The following TK1 variants were observed in gnomAD, a reference collection of about 807,000 sequenced individuals.
TK1 encodes thymidine kinase 1, also known as thymidine kinase, cytosolic.
A neutral mutation model predicts 22.4 loss-of-function variants in TK1; 13 were observed. The observed-to-expected ratio is 0.58, with a 90% CI of 0.38 to 0.92. The LOEUF (loss-of-function observed/expected upper bound fraction) is 0.92, where lower values mean the gene tolerates loss of function less well. TK1 is among the 40% of genes least tolerant of loss of function. The pLI is 0.00. For missense variants in TK1, 251 were observed against 315.7 expected (o/e 0.80, Z 1.55); for synonymous variants, 134 against 125.4 (o/e 1.07, Z -0.46).
intron 4 of TK1, among the ~76,000 whole-genome samples, chr17:78,177,870 G>C (rs1238294199): frequency 6.7e-6 from 1 of 149,252 alleles, no homozygotes; most frequent in Admixed American, 6.7e-5. Flanking sequence ...CACTGCGCCT[G>C]GCTTTGTCTA....
At chr17:78,184,715 G>A (rs903934222) in intron 3 of TK1, among the ~76,000 whole-genome samples, 1 of 152,064 alleles carries the variant, frequency 6.6e-6, no homozygotes, top group African/African-American at 2.4e-5. Flanking sequence ...CTTGCATGGG[G>A]GCCGTCCTCT....
In TK1 at chr17:78,186,786, C is replaced by G; in HGVS notation, c.98+1G>C. ...CCACCCCAGCCCCGCGAAGCCATTA[C>G]CTTTTTCCTGAGAACATCGGCCCGA... On this transcript the variant is annotated splice_donor_variant, in intron 2 of 6. Coordinates refer to ENST00000301634, the MANE Select transcript of TK1 (RefSeq NM_003258.5). LOFTEE classifies it high-confidence loss of function. 1 of 1,586,396 alleles carries G rather than the reference C, an allele frequency of 6.3e-7. No homozygotes were observed. The highest frequency in any genetic ancestry group is 8.6e-7 in the Non-Finnish European group (1 of 1,166,758).
chr17:78,174,699 C>T lies in TK1; in HGVS notation c.*60G>A. 1 of 1,502,736 alleles carries T rather than the reference C, an allele frequency of 6.7e-7. No homozygotes were observed. The highest frequency in any genetic ancestry group is 1.3e-5 in the South Asian group (1 of 75,960). 93.1% of individuals were successfully genotyped at this position (1,502,736 alleles called of 1,614,324 possible). A position where few individuals can be genotyped will look rare whatever the true frequency, so the allele number is the denominator to read the frequency against. Reference sequence around the variant, plus strand: ...CCTCCTGGAGTGGCTGGGCAGCATGCAGGGCAGCGTCCAGTAGGCGGCAGT... The same window carrying T: ...CCTCCTGGAGTGGCTGGGCAGCATGTAGGGCAGCGTCCAGTAGGCGGCAGT... On this transcript the variant is annotated 3_prime_UTR_variant, in exon 7 of 7. Coordinates refer to ENST00000301634, the MANE Select transcript of TK1 (RefSeq NM_003258.5).
At chr17:78,175,464 T>C in intron 5 of TK1, 65 bp downstream of exon 5, 1 of 1,490,424 alleles carries the variant, frequency 6.7e-7, no homozygotes, top group East Asian at 2.3e-5. Context: ...CTGGTGTCTC[T>C]GTGCCCATCC....
chr17:78,176,472 C>CT (rs1488928175), intron 4 of TK1, among the ~76,000 whole-genome samples: 3 of 152,104 alleles, frequency 2.0e-5, no homozygotes, highest in Non-Finnish European at 4.4e-5. Flanking sequence ...GACGTGAGGG[C>CT]TTAGCAAGGT....
intron 4 of TK1, among the ~76,000 whole-genome samples, chr17:78,180,293 CG>C (rs2075729635): frequency 6.6e-6 from 1 of 152,220 alleles, no homozygotes; most frequent in South Asian, 2.1e-4. Flanking sequence ...CCCCATCAAC[CG>C]GCCTGGAACC....
At position 78,182,460 on chromosome 17, in the gene TK1, A is replaced by C. The variant is rs150722679; in HGVS notation, c.303+129T>G. 338 of 625,332 alleles carry C rather than the reference A, an allele frequency of 5.4e-4. 2 individuals carry two copies. The African/African-American group carries it at 5.5e-3, about 10-fold the overall frequency. The allele number at this position is 625,332 out of a possible 1,614,324, so 38.7% of individuals were successfully genotyped here. On this transcript the variant is annotated intron_variant, in intron 4 of 6. Coordinates refer to ENST00000301634, the MANE Select transcript of TK1 (RefSeq NM_003258.5). ...GAAAGGGGCCTTCAGAGGGTATTCC[A>C]ACACTAGTTGTAGCTATTTAACCTT... is the stretch of plus-strand genomic sequence containing the variant.
intron 4 of TK1, among the ~76,000 whole-genome samples, chr17:78,180,399 A>G (rs1186357994): frequency 1.3e-5 from 2 of 152,246 alleles, no homozygotes; most frequent in African/African-American, 4.8e-5. Flanking sequence ...AGTACCTAAG[A>G]GGTCAAGTCT....
chr17:78,183,765 C>T (rs1056143304), intron 3 of TK1: 1 of 152,238 alleles, frequency 6.6e-6, no homozygotes, highest in Non-Finnish European at 1.5e-5. Context: ...TTGCTATAAT[C>T]CTACTTCGAG....
intron 4 of TK1, among the ~76,000 whole-genome samples, chr17:78,177,676 C>T (rs1449277227): frequency 6.6e-6 from 1 of 151,640 alleles, no homozygotes; most frequent in Non-Finnish European, 1.5e-5. Context: ...TGGGTTCACG[C>T]CACTCTCCTG....
In TK1 at chr17:78,182,578, A is replaced by G. The variant is rs370501758; in HGVS notation, c.303+11T>C. Reference sequence around the variant, plus strand: ...TGGCAGGAAGAGTGATGCCAAGACAAGCCAACTTACAAACTGCCCCTCGTC... The same window carrying G: ...TGGCAGGAAGAGTGATGCCAAGACAGGCCAACTTACAAACTGCCCCTCGTC... On this transcript the variant is annotated intron_variant, in intron 4 of 6. Transcript: ENST00000301634. 1.9e-6 allele frequency: 3 copies of G among 1,566,018 alleles called. No homozygotes were observed. The highest frequency in any genetic ancestry group is 2.6e-6 in the Non-Finnish European group (3 of 1,154,148).
At position 78,175,601 on chromosome 17, in the gene TK1, C is replaced by A; in HGVS notation, c.321G>T (p.Glu107Asp). Reference protein sequence around the residue: ...DEGQFFPDIVEFCEAMANAGK... With the variant: ...DEGQFFPDIVDFCEAMANAGK... ...CGGCGTTGGCCATGGCCTCGCAGAACTCCACGATGTCAGGGAACTGGAAAG... is the reference window on the plus strand; with the variant it reads ...CGGCGTTGGCCATGGCCTCGCAGAAATCCACGATGTCAGGGAACTGGAAAG... Residue 107 changes from glutamate (E) to aspartate (D), a missense_variant, in exon 5 of 7, where the codon GAG becomes GAT. Transcript: ENST00000301634. 1 of 1,613,678 alleles carries A rather than the reference C, an allele frequency of 6.2e-7. No homozygotes were observed. Among genetic ancestry groups the A allele is most frequent in the Non-Finnish European group, 8.5e-7 (1 of 1,179,852 alleles).
chr17:78,179,504 G>A lies in TK1; in HGVS notation c.303+3085C>T, dbSNP rs890080401. The A allele has an allele frequency of 3.5e-5, 34 of 985,454 alleles. No homozygotes were observed. The African/African-American group carries it at 5.1e-4, about 15-fold the overall frequency. 61.0% of individuals were successfully genotyped at this position (985,454 alleles called of 1,614,324 possible). ...CGGGAACCCAGAGCGGACACTGGCA[G>A]CCTCAACTCCACAGGGCAGATGCCC... On this transcript the variant is annotated intron_variant, in intron 4 of 6. Coordinates refer to ENST00000301634, the MANE Select transcript of TK1 (RefSeq NM_003258.5).
chr17:78,185,198 C>A (rs376814692), intron 2 of TK1, 33 bp from the exon 3 acceptor site: 1 of 1,574,360 alleles, frequency 6.4e-7, no homozygotes, highest in Non-Finnish European at 8.7e-7. Flanking sequence ...GTGAGGTCCA[C>A]GGCGGGAGGA....
At chr17:78,184,520 A>G (rs2075765453) in intron 3 of TK1, among the ~76,000 whole-genome samples, 1 of 152,066 alleles carries the variant, frequency 6.6e-6, no homozygotes, top group Non-Finnish European at 1.5e-5. Context: ...ACAGCTACAC[A>G]TAAAACAGGG....
chr17:78,174,748 T>C lies in TK1; in HGVS notation c.*11A>G, dbSNP rs548302579. On this transcript the variant is annotated 3_prime_UTR_variant, in exon 7 of 7. Coordinates refer to ENST00000301634, the MANE Select transcript of TK1 (RefSeq NM_003258.5). ...GTGGCAGGAAGGGAGCGGGCGGCCC[T>C]CGCAGGTCCCTCAGTTGGCAGGGCT... The C allele has an allele frequency of 5.9e-5, 93 of 1,583,706 alleles. No individual in the cohort carries two copies. In the African/African-American group the frequency reaches 1.2e-3, roughly 20 times the overall value.
At chr17:78,178,718 C>T (rs2075718425) in intron 4 of TK1, among the ~76,000 whole-genome samples, 1 of 152,198 alleles carries the variant, frequency 6.6e-6, no homozygotes. Context: ...GATCTTGGCT[C>T]ACTGCAACCT....
At position 78,186,912 on chromosome 17, in the gene TK1, A is replaced by C; in HGVS notation, c.66+17T>G. The C allele has an allele frequency of 6.4e-7, 1 of 1,566,436 alleles. No individual in the cohort carries two copies. Among genetic ancestry groups the C allele is most frequent in the Non-Finnish European group, 8.7e-7 (1 of 1,155,896 alleles). ...GACCACCTCATCCCCAGCCACGCGC[A>C]GGGCTGGCCCCCGCACCTGGATCTG... On this transcript the variant is annotated intron_variant, in intron 1 of 6. Coordinates refer to ENST00000301634, the MANE Select transcript of TK1 (RefSeq NM_003258.5).
chr17:78,186,884 C>T, intron 1 of TK1, 45 bp downstream of exon 1: 1 of 1,565,888 alleles, frequency 6.4e-7, no homozygotes, highest in Non-Finnish European at 8.7e-7. Context: ...AGGCTATCAC[C>T]ACGACCACCT....
Sources: gnomAD v4.1 joint callset for allele counts (sites outside exome capture counted in the v4.1 genomes callset) on GRCh38, gnomAD v4.1.1 for gene constraint, MANE v1.5 for transcripts, NCBI Gene and HGNC (gene_info 2026-07-23, HGNC 2026-07-21) for gene names.